RXYLT1: variants seen among roughly 807,000 people sequenced by gnomAD.
The protein encoded by RXYLT1 is ribitol-5-phosphate xylosyltransferase 1.
Under a neutral mutation model 43.5 loss-of-function variants are expected in RXYLT1, and 41 were observed. The observed-to-expected ratio is 0.94, with a 90% CI of 0.73 to 1.22. The LOEUF (loss-of-function observed/expected upper bound fraction) is 1.22. RXYLT1 is among the 50% of genes most tolerant of loss of function. The pLI, the probability that RXYLT1 is intolerant of heterozygous loss-of-function variation, is 0.00. For missense variants in RXYLT1, 514 were observed against 532.0 expected, an observed-to-expected ratio of 0.97 and a Z score of 0.33; for synonymous variants, 166 against 194.4, an observed-to-expected ratio of 0.85 and a Z score of 1.21.
chr12:63,789,693 A>G (rs77476543), intron 3 of RXYLT1, among the ~76,000 whole-genome samples: 3,649 of 152,326 alleles, frequency 0.024, 63 homozygotes, highest in Middle Eastern at 0.051. Context: ...TAAGAGAACT[A>G]TATTCAAGAA....
intron 3 of RXYLT1, among the ~76,000 whole-genome samples, chr12:63,799,069 C>T (rs777172776): frequency 2.0e-5 from 3 of 152,134 alleles, no homozygotes; most frequent in Non-Finnish European, 4.4e-5. Context: ...ACCTTGGCTT[C>T]GCAGTATTGA....
intron 3 of RXYLT1, among the ~76,000 whole-genome samples, chr12:63,789,509 T>C (rs1043098553): frequency 6.6e-6 from 1 of 152,160 alleles, no homozygotes; most frequent in Non-Finnish European, 1.5e-5. Flanking sequence ...CACCATCTCA[T>C]AGTGAGCACA....
chr12:63,799,401 C>T (rs1417217856), intron 3 of RXYLT1, among the ~76,000 whole-genome samples: 2 of 145,546 alleles, frequency 1.4e-5, no homozygotes, highest in East Asian at 4.1e-4. Context: ...ACTTCCTGGG[C>T]TCAAGTGATC....
chr12:63,782,271 A>G (rs1293377650), intron 2 of RXYLT1, among the ~76,000 whole-genome samples: 2 of 152,232 alleles, frequency 1.3e-5, no homozygotes, highest in African/African-American at 4.8e-5. Flanking sequence ...ATTGAAGTAA[A>G]AAAGTGTCAC....
chr12:63,799,444 C>T (rs1277176301), intron 3 of RXYLT1, among the ~76,000 whole-genome samples: 1 of 151,418 alleles, frequency 6.6e-6, no homozygotes, highest in East Asian at 1.9e-4. Context: ...AGCTGCACCA[C>T]CATGCCCAGC....
rs757179071 is a variant in RXYLT1 at position 63,802,142 on chromosome 12, T to A, written c.480T>A (p.Asn160Lys). 1 of 1,613,772 alleles carries A rather than the reference T, an allele frequency of 6.2e-7. No homozygotes were observed. Among genetic ancestry groups the A allele is most frequent in the Non-Finnish European group, 8.5e-7 (1 of 1,179,888 alleles). Reference protein sequence around the residue: ...VIPGYFSVDVNNVVLILNGRE... With the variant: ...VIPGYFSVDVKNVVLILNGRE... ...CAGGGTACTTCTCCGTTGATGTGAA[T>A]AATGTGGTACTCATTTTAAATGGAA... Residue 160 changes from asparagine (N) to lysine (K), a missense_variant, in exon 4 of 6, where the codon AAT becomes AAA. Transcript: ENST00000261234.
At chr12:63,781,842 T>C (rs893636030) in intron 2 of RXYLT1, among the ~76,000 whole-genome samples, 5 of 152,142 alleles carry the variant, frequency 3.3e-5, no homozygotes, top group African/African-American at 1.2e-4. Context: ...TGGGTTTATG[T>C]ACAATAAGGC....
At chr12:63,805,172 G>T in intron 4 of RXYLT1, 62 bp from the exon 5 acceptor site, 1 of 1,357,522 alleles carries the variant, frequency 7.4e-7, no homozygotes, top group Non-Finnish European at 1.0e-6. Context: ...AAGAGATTGG[G>T]TTATGGGGAA....
At chr12:63,796,753 A>G (rs910619448) in intron 3 of RXYLT1, among the ~76,000 whole-genome samples, 41 of 152,264 alleles carry the variant, frequency 2.7e-4, no homozygotes, top group African/African-American at 9.6e-4. Context: ...ACAACCAAGA[A>G]AACCTCATAA....
At chr12:63,785,156 A>G in intron 3 of RXYLT1, 84 bp downstream of exon 3, 1 of 806,756 alleles carries the variant, frequency 1.2e-6, no homozygotes, top group East Asian at 2.9e-5. Context: ...GAAAAATAAT[A>G]GGAAAATATA....
chr12:63,799,579 C>T (rs547022060), intron 3 of RXYLT1, among the ~76,000 whole-genome samples: 21 of 152,050 alleles, frequency 1.4e-4, no homozygotes, highest in African/African-American at 4.1e-4. Context: ...GCATGAGCCA[C>T]CACACCCAGC....
At chr12:63,790,650 G>C (rs1897901832) in intron 3 of RXYLT1, 1 of 152,372 alleles carries the variant, frequency 6.6e-6, no homozygotes, top group Non-Finnish European at 1.5e-5. Flanking sequence ...AGCCTCCTGA[G>C]TAGCTGGGAT....
intron 3 of RXYLT1, among the ~76,000 whole-genome samples, chr12:63,796,958 TTTTTC>T (rs1898046663): frequency 6.7e-6 from 1 of 149,110 alleles, no homozygotes; most frequent in African/African-American, 2.5e-5. Flanking sequence ...TTTCTTTTTC[TTTTTC>T]TTTTTTTTTT....
In RXYLT1 at chr12:63,794,680, T is replaced by C. The variant is rs373301594; in HGVS notation, c.429-7411T>C. On this transcript the variant is annotated intron_variant, in intron 3 of 5. Transcript: ENST00000261234. Reference sequence around the variant, plus strand: ...TCCTAAAGGGCCTTTTGACCGGGCATGGTGGCTCACTCCCATAATCCCAGC... The same window carrying C: ...TCCTAAAGGGCCTTTTGACCGGGCACGGTGGCTCACTCCCATAATCCCAGC... Among the ~76,000 whole-genome samples the C allele has an allele frequency of 3.3e-5, 5 of 152,108 alleles. No homozygotes were observed. In the East Asian group the frequency reaches 7.7e-4, roughly 23 times the overall value.
intron 2 of RXYLT1, among the ~76,000 whole-genome samples, 184 bp from the exon 3 acceptor site, chr12:63,784,786 C>T (rs1355171426): frequency 6.6e-6 from 1 of 152,208 alleles, no homozygotes; most frequent in African/African-American, 2.4e-5. Context: ...CTCTGTCTCT[C>T]ATTAGCTGCC....
Position 63,803,542 on chromosome 12 carries a change from G to A in RXYLT1, c.743+1137G>A, listed in dbSNP as rs76395980. On this transcript the variant is annotated intron_variant, in intron 4 of 5. Transcript: ENST00000261234. ...CTGCTGCCTAGTTAGCGACACAGAT[G>A]TCACTGGCACATCTGTGCCAGTAAT... 3.1e-3 allele frequency among the ~76,000 whole-genome samples: 474 copies of A among 152,244 alleles called. 5 individuals carry two copies. The highest frequency in any genetic ancestry group is 0.011 in the African/African-American group (443 of 41,526).
intron 3 of RXYLT1, 152 bp downstream of exon 3, chr12:63,785,224 A>G (rs1277034308): frequency 2.2e-6 from 1 of 449,542 alleles, no homozygotes; most frequent in East Asian, 3.7e-5. Flanking sequence ...TCTCATGAAT[A>G]TGTATTCATA....
rs368967532 is a variant in RXYLT1, at chr12:63,781,098, T to C, written c.249T>C (p.Thr83=). 13 of 1,609,944 alleles carry C rather than the reference T, an allele frequency of 8.1e-6. No homozygotes were observed. Among genetic ancestry groups the C allele is most frequent in the Non-Finnish European group, 4.2e-6 (5 of 1,178,596 alleles). The change falls in exon 2 of 6, where the codon ACT becomes ACC. Residue 83 remains threonine (T), a synonymous_variant. Coordinates refer to ENST00000261234, the MANE Select transcript of RXYLT1 (RefSeq NM_014254.3). ...ATGAGCAACAACACAGATTTAAAACTAGCCTTCAAATATTAGATAAATCCA... is the reference window on the plus strand; with the variant it reads ...ATGAGCAACAACACAGATTTAAAACCAGCCTTCAAATATTAGATAAATCCA... ...EKNEQQHRFK[T]SLQILDKSTK...
At chr12:63,785,702 G>T (rs1252426303) in intron 3 of RXYLT1, among the ~76,000 whole-genome samples, 1 of 151,848 alleles carries the variant, frequency 6.6e-6, no homozygotes, top group Non-Finnish European at 1.5e-5. Flanking sequence ...CATATGAAAT[G>T]CTATTTTATT....
Sources: allele counts gnomAD v4.1 joint callset (sites outside exome capture counted in the v4.1 genomes callset), GRCh38; gene constraint gnomAD v4.1.1; transcripts MANE v1.5; gene names NCBI Gene and HGNC (gene_info 2026-07-23, HGNC 2026-07-21).